The following BICC1 variants were observed in gnomAD, a reference collection of about 807,000 sequenced individuals.
BICC1 encodes protein bicaudal C homolog 1.
In BICC1, 43 loss-of-function variants were observed where a neutral mutation model predicts 111.0. The ratio of observed to expected loss-of-function variants is 0.39; its 90% CI spans 0.30 to 0.50. The LOEUF (loss-of-function observed/expected upper bound fraction) is 0.50, where lower values mean the gene tolerates loss of function less well. Among genes scored for constraint, BICC1 ranks in the 20% least tolerant of loss-of-function variants. The pLI, the probability that BICC1 is intolerant of heterozygous loss-of-function variation, is 0.88. For missense variants in BICC1, 1,091 were observed against 1,203.2 expected (o/e 0.91, Z 1.38); for synonymous variants, 467 against 434.4 (o/e 1.07, Z -0.93).
intron 3 of BICC1, among the ~76,000 whole-genome samples, chr10:58,779,832 T>C (rs1257573087): frequency 6.6e-6 from 1 of 152,226 alleles, no homozygotes; most frequent in Admixed American, 6.5e-5. Flanking sequence ...TTTCCCTATA[T>C]GATTCCAAGT....
chr10:58,758,119 T>C (rs1842197062), intron 3 of BICC1, among the ~76,000 whole-genome samples: 1 of 152,206 alleles, frequency 6.6e-6, no homozygotes, highest in African/African-American at 2.4e-5. Context: ...TGATTAGGCT[T>C]CTGTGAGCCA....
chr10:58,635,798 G>A (rs967282694), intron 2 of BICC1, among the ~76,000 whole-genome samples: 4 of 152,010 alleles, frequency 2.6e-5, no homozygotes, highest in Admixed American at 6.5e-5. Flanking sequence ...CTCTAACAGC[G>A]ATACATAAAA....
chr10:58,779,629 T>G (rs1382375697), intron 3 of BICC1, among the ~76,000 whole-genome samples: 1 of 152,222 alleles, frequency 6.6e-6, no homozygotes, highest in African/African-American at 2.4e-5. Context: ...CCTCATTTAT[T>G]TTTTGAGGAA....
At chr10:58,597,585 A>C (rs1379007332) in intron 1 of BICC1, among the ~76,000 whole-genome samples, 1 of 152,140 alleles carries the variant, frequency 6.6e-6, no homozygotes, top group East Asian at 1.9e-4. Context: ...AGAGTTTCCC[A>C]ACCCTAGTAA....
At chr10:58,559,190 T>C in intron 1 of BICC1, among the ~76,000 whole-genome samples, 1 of 152,110 alleles carries the variant, frequency 6.6e-6, no homozygotes. Context: ...ATGACTTATC[T>C]GAGAGTCTGT....
intron 3 of BICC1, among the ~76,000 whole-genome samples, chr10:58,770,347 T>C (rs1237520790): frequency 6.6e-6 from 1 of 152,130 alleles, no homozygotes; most frequent in Non-Finnish European, 1.5e-5. Context: ...TTTTTATTGC[T>C]TTTCATCAAA....
intron 3 of BICC1, among the ~76,000 whole-genome samples, chr10:58,756,363 G>T (rs1842144559): frequency 6.6e-6 from 1 of 152,010 alleles, no homozygotes; most frequent in Non-Finnish European, 1.5e-5. Flanking sequence ...TTTTGTGTGT[G>T]GGGGTGGAGA....
intron 3 of BICC1, among the ~76,000 whole-genome samples, chr10:58,712,037 G>A (rs908038230): frequency 3.3e-5 from 5 of 152,086 alleles, no homozygotes; most frequent in Admixed American, 3.3e-4. Context: ...TTAAAAGTGG[G>A]TCAAAGATCT....
intron 1 of BICC1, among the ~76,000 whole-genome samples, chr10:58,515,608 G>A (rs939995222): frequency 1.3e-5 from 2 of 152,152 alleles, no homozygotes; most frequent in African/African-American, 4.8e-5. Context: ...CGGGACCATT[G>A]TAGTGTATGT....
intron 17 of BICC1, among the ~76,000 whole-genome samples, chr10:58,809,179 C>G (rs542472774): frequency 6.6e-6 from 1 of 151,346 alleles, no homozygotes; most frequent in Non-Finnish European, 1.5e-5. Flanking sequence ...TGCGCCACAA[C>G]GCTCAGCTAA....
At position 58,806,623 on chromosome 10, in the gene BICC1, G is replaced by T; in HGVS notation, c.2221G>T (p.Ala741Ser). The stretch of plus-strand genomic sequence containing the variant: ...ACAGAAGAAGCTATTAGCCACCAAA[G>T]GTATGTAATACACTAATAACTTACA... ...YEQKKLLATK[A>S]MLKKPVVTEV... The change falls in exon 16 of 21, where the codon GCT becomes TCT. Residue 741 changes from alanine (A) to serine (S), a missense_variant and splice_region_variant. Coordinates refer to ENST00000373886, the MANE Select transcript of BICC1 (RefSeq NM_001080512.3). 1 of 1,609,090 alleles carries T rather than the reference G, an allele frequency of 6.2e-7. No individual in the cohort carries two copies. Among genetic ancestry groups the T allele is most frequent in the Non-Finnish European group, 8.5e-7 (1 of 1,175,794 alleles).
chr10:58,625,598 C>G lies in BICC1; in HGVS notation c.237+4697C>G, dbSNP rs145264850. On this transcript the variant is annotated intron_variant, in intron 2 of 20. Coordinates refer to ENST00000373886, the MANE Select transcript of BICC1 (RefSeq NM_001080512.3). ...AACTGACCTATAAACCATGGCTTGT[C>G]ACAAAGGCTAACAGTAAGACTAAAA... 1.9e-3 allele frequency among the ~76,000 whole-genome samples: 286 copies of G among 152,206 alleles called. 2 individuals are homozygous for G. The highest frequency in any genetic ancestry group is 6.7e-3 in the African/African-American group (280 of 41,536).
intron 3 of BICC1, among the ~76,000 whole-genome samples, chr10:58,784,052 A>G (rs373935023): frequency 1.3e-5 from 2 of 152,218 alleles, no homozygotes; most frequent in African/African-American, 4.8e-5. Flanking sequence ...CCTTTTCTCT[A>G]TGAAGTCTGA....
At chr10:58,567,732 T>C (rs577438397) in intron 1 of BICC1, among the ~76,000 whole-genome samples, 5 of 152,226 alleles carry the variant, frequency 3.3e-5, no homozygotes, top group South Asian at 2.1e-4. Context: ...TAAATACTTA[T>C]AGTTAATAGA....
At chr10:58,687,060 T>C (rs1005488297) in intron 2 of BICC1, among the ~76,000 whole-genome samples, 9 of 152,066 alleles carry the variant, frequency 5.9e-5, no homozygotes, top group Admixed American at 1.3e-4. Context: ...TTGGTATGGA[T>C]GTCCTTTCTG....
chr10:58,799,789 C>T (rs1026146976), intron 12 of BICC1, among the ~76,000 whole-genome samples: 1 of 152,010 alleles, frequency 6.6e-6, no homozygotes, highest in African/African-American at 2.4e-5. Flanking sequence ...AGTATGATGC[C>T]TCTAGCTTTA....
chr10:58,737,771 A>G (rs1841520977), intron 3 of BICC1, among the ~76,000 whole-genome samples: 1 of 152,162 alleles, frequency 6.6e-6, no homozygotes, highest in South Asian at 2.1e-4. Flanking sequence ...CTTTTTAATG[A>G]TCACCATTCT....
chr10:58,526,877 A>G (rs138993663), intron 1 of BICC1, among the ~76,000 whole-genome samples: 3,873 of 151,876 alleles, frequency 0.026, 174 homozygotes, highest in African/African-American at 0.089. Context: ...GAATAGTGCC[A>G]CAATAAACAT....
At chr10:58,799,003 T>C (rs929029599) in intron 11 of BICC1, 53 bp from the exon 12 acceptor site, 1 of 1,282,784 alleles carries the variant, frequency 7.8e-7, no homozygotes, top group South Asian at 1.6e-5. Flanking sequence ...ATAAAAATAA[T>C]AGTTGAATCT....
Sources: allele counts gnomAD v4.1 joint callset (sites outside exome capture counted in the v4.1 genomes callset), GRCh38; gene constraint gnomAD v4.1.1; transcripts MANE v1.5; gene names NCBI Gene and HGNC (gene_info 2026-07-23, HGNC 2026-07-21).